The following EPB41L2 variants were observed in gnomAD, a reference collection of about 807,000 sequenced individuals.
The protein encoded by EPB41L2 is erythrocyte membrane protein band 4.1 like 2.
Under a neutral mutation model 113.0 loss-of-function variants are expected in EPB41L2, and 43 were observed. That is an observed-to-expected ratio of 0.38 (90% CI 0.30 to 0.49). The LOEUF (loss-of-function observed/expected upper bound fraction) is 0.49, where lower values mean the gene tolerates loss of function less well. Among genes scored for constraint, EPB41L2 ranks in the 20% least tolerant of loss-of-function variants. The probability of loss-of-function intolerance (pLI) is 0.95; values close to 1 mark genes in which losing one functional copy is unlikely to be tolerated. For missense variants in EPB41L2, 1,147 were observed against 1,223.4 expected, an observed-to-expected ratio of 0.94 and a Z score of 0.93; for synonymous variants, 442 against 436.7, an observed-to-expected ratio of 1.01 and a Z score of -0.15.
chr6:131,044,705 C>G (rs1023109074), intron 1 of EPB41L2, among the ~76,000 whole-genome samples: 4 of 152,118 alleles, frequency 2.6e-5, no homozygotes, highest in African/African-American at 4.8e-5. Flanking sequence ...CAGCCCCATT[C>G]CATCATCAGC....
At chr6:130,872,178 G>A (rs1439255627) in intron 14 of EPB41L2, among the ~76,000 whole-genome samples, 1 of 151,972 alleles carries the variant, frequency 6.6e-6, no homozygotes, top group Non-Finnish European at 1.5e-5. Context: ...TTTGACCAAA[G>A]AAGCAGGAGA....
At position 131,023,729 on chromosome 6, in the gene EPB41L2, G is replaced by A. The variant is rs1299486802; in HGVS notation, c.-15+39426C>T. Among the ~76,000 whole-genome samples, 13 of 119,358 alleles carry A rather than the reference G, an allele frequency of 1.1e-4. No individual in the cohort carries two copies. In the South Asian group the frequency reaches 1.6e-3, roughly 14 times the overall value. 78.3% of individuals were successfully genotyped at this position (119,358 alleles called of 152,430 possible). A position where few individuals can be genotyped will look rare whatever the true frequency, so the allele number is the denominator to read the frequency against. ...AAAATGTGTGCGTGTGTGTGTGTGT[G>A]TATATATATCTATATATCTATATAT... On this transcript the variant is annotated intron_variant, in intron 1 of 19. Transcript: ENST00000337057.
chr6:131,051,942 T>C (rs565893519), intron 1 of EPB41L2, among the ~76,000 whole-genome samples: 919 of 53,788 alleles, frequency 0.017, 12 homozygotes, highest in African/African-American at 0.092. Context: ...ATTTTTTTTT[T>C]CTTTTTTTTT....
intron 17 of EPB41L2, among the ~76,000 whole-genome samples, chr6:130,865,219 G>C (rs1465374910): frequency 6.6e-6 from 1 of 152,162 alleles, no homozygotes; most frequent in Non-Finnish European, 1.5e-5. Context: ...AGGAGGGCTG[G>C]TTTAATAAAA....
chr6:130,943,555 G>A (rs1486614615), intron 3 of EPB41L2, among the ~76,000 whole-genome samples: 1 of 152,210 alleles, frequency 6.6e-6, no homozygotes, highest in Non-Finnish European at 1.5e-5. Flanking sequence ...CCAGCAAGAG[G>A]TGGACAGTTT....
intron 3 of EPB41L2, among the ~76,000 whole-genome samples, chr6:130,934,728 A>T: frequency 6.7e-6 from 1 of 149,332 alleles, no homozygotes; most frequent in African/African-American, 2.5e-5. Context: ...CAATTCTCCC[A>T]CCTTGGCCTC....
Position 130,839,887 on chromosome 6 carries a change from G to T in EPB41L2, c.*717C>A, listed in dbSNP as rs1186186544. ...AGCATTGGCACTGTGGTGCGGCAGG[G>T]TCTCTAAGCACAGTGCACAGTCAGT... On this transcript the variant is annotated 3_prime_UTR_variant, in exon 20 of 20. Transcript: ENST00000337057. The T allele has an allele frequency of 1.3e-5, 2 of 152,196 alleles. No individual in the cohort carries two copies. Among genetic ancestry groups the T allele is most frequent in the Admixed American group, 6.5e-5 (1 of 15,278 alleles). 9.4% of individuals were successfully genotyped at this position (152,196 alleles called of 1,614,324 possible). A position where few individuals can be genotyped will look rare whatever the true frequency, so the allele number is the denominator to read the frequency against.
At position 130,950,629 on chromosome 6, in the gene EPB41L2, G is replaced by A. The variant is rs571595218; in HGVS notation, c.705+4476C>T. Among the ~76,000 whole-genome samples, 165 of 152,264 alleles carry A rather than the reference G, an allele frequency of 1.1e-3. 4 individuals are homozygous for A. In the South Asian group the frequency reaches 0.034, roughly 31 times the overall value. On this transcript the variant is annotated intron_variant, in intron 3 of 19. Transcript: ENST00000337057. ...CCAGATCACCAAAAATAGACCAACA[G>A]TAATTTATCCAAGGCTTTTCTAGGT... is the stretch of plus-strand genomic sequence containing the variant.
intron 19 of EPB41L2, among the ~76,000 whole-genome samples, chr6:130,852,041 C>T (rs1778892401): frequency 6.6e-6 from 1 of 152,206 alleles, no homozygotes; most frequent in East Asian, 1.9e-4. Context: ...TTCTGCATTT[C>T]ACATGCATCT....
chr6:130,898,189 C>T (rs1047860210), intron 8 of EPB41L2, among the ~76,000 whole-genome samples: 1 of 151,712 alleles, frequency 6.6e-6, no homozygotes, highest in African/African-American at 2.4e-5. Context: ...CTTCTGTTTG[C>T]CTCTATTTTC....
At chr6:130,952,938 A>T (rs1009580319) in intron 3 of EPB41L2, among the ~76,000 whole-genome samples, 1 of 151,458 alleles carries the variant, frequency 6.6e-6, no homozygotes, top group Non-Finnish European at 1.5e-5. Flanking sequence ...GATTTTTTTT[A>T]AAAAAGAGAA....
intron 19 of EPB41L2, among the ~76,000 whole-genome samples, chr6:130,841,653 AAGG>A (rs1775548363): frequency 6.6e-6 from 1 of 152,210 alleles, no homozygotes; most frequent in African/African-American, 2.4e-5. Context: ...AGGCACCACT[AAGG>A]AGAATAATCA....
At chr6:130,994,935 C>T (rs1027117412) in intron 1 of EPB41L2, among the ~76,000 whole-genome samples, 2 of 152,132 alleles carry the variant, frequency 1.3e-5, no homozygotes, top group Admixed American at 6.5e-5. Context: ...GCCCCCTCCC[C>T]GCTGAGTTCT....
chr6:130,869,074 T>C (rs1211052727), intron 15 of EPB41L2, among the ~76,000 whole-genome samples: 1 of 152,222 alleles, frequency 6.6e-6, no homozygotes, highest in Non-Finnish European at 1.5e-5. Flanking sequence ...CAGAGACTGC[T>C]GTCATTTCTA....
At chr6:130,858,819 G>A (rs750525807) in intron 18 of EPB41L2, among the ~76,000 whole-genome samples, 2 of 152,212 alleles carry the variant, frequency 1.3e-5, no homozygotes, top group Non-Finnish European at 2.9e-5. Context: ...AAACCTCTAA[G>A]ACACAGAACT....
chr6:130,900,776 C>T (rs901212660), intron 7 of EPB41L2, among the ~76,000 whole-genome samples, 186 bp downstream of exon 7: 9 of 152,218 alleles, frequency 5.9e-5, no homozygotes, highest in Non-Finnish European at 1.0e-4. Flanking sequence ...GTTTCTCAGA[C>T]GGTAGTTATA....
At chr6:130,994,178 G>T (rs1327597234) in intron 1 of EPB41L2, among the ~76,000 whole-genome samples, 1 of 152,156 alleles carries the variant, frequency 6.6e-6, no homozygotes, top group Non-Finnish European at 1.5e-5. Flanking sequence ...GAATGTGAAA[G>T]ACTAAAATGG....
At chr6:130,841,221 CAA>C (rs113100092) in intron 19 of EPB41L2, among the ~76,000 whole-genome samples, 19,886 of 138,978 alleles carry the variant, frequency 0.14, 1,638 homozygotes, top group African/African-American at 0.22. Context: ...TCTAATTGAC[CAA>C]AAAAAAAAAA....
chr6:131,030,086 G>A (rs995401486), intron 1 of EPB41L2, among the ~76,000 whole-genome samples: 16 of 131,558 alleles, frequency 1.2e-4, no homozygotes, highest in Admixed American at 6.0e-4. Context: ...CCAGGACCCC[G>A]TGCTCTATGC....
Sources: gnomAD v4.1 joint callset for allele counts (sites outside exome capture counted in the v4.1 genomes callset) on GRCh38, gnomAD v4.1.1 for gene constraint, MANE v1.5 for transcripts, NCBI Gene and HGNC (gene_info 2026-07-23, HGNC 2026-07-21) for gene names.